Variants in SPAG16 observed in about 807,000 individuals in gnomAD.
SPAG16 encodes sperm-associated antigen 16 protein.
A neutral mutation model predicts 80.4 loss-of-function variants in SPAG16; 86 were observed. The ratio of observed to expected loss-of-function variants is 1.07; its 90% CI spans 0.90 to 1.28. The LOEUF (loss-of-function observed/expected upper bound fraction) is 1.28. Among genes scored for constraint, SPAG16 ranks in the 50% most tolerant of loss-of-function variants. The probability of loss-of-function intolerance (pLI) is 0.00; values close to 1 mark genes in which losing one functional copy is unlikely to be tolerated. For missense variants in SPAG16, 870 were observed against 765.3 expected (o/e 1.14, Z -1.61); for synonymous variants, 294 against 265.9 (o/e 1.11, Z -1.03).
At chr2:213,345,924 A>G (rs1374780931) in intron 6 of SPAG16, among the ~76,000 whole-genome samples, 2 of 152,202 alleles carry the variant, frequency 1.3e-5, no homozygotes, top group Admixed American at 6.6e-5. Flanking sequence ...GAAGAAAGTC[A>G]TGGGTAGCCT....
At chr2:213,361,974 A>G (rs1368467694) in intron 7 of SPAG16, among the ~76,000 whole-genome samples, 1 of 152,130 alleles carries the variant, frequency 6.6e-6, no homozygotes, top group Non-Finnish European at 1.5e-5. Context: ...GGTTAGGGCC[A>G]GGGTGAGAAT....
intron 1 of SPAG16, among the ~76,000 whole-genome samples, chr2:213,295,729 T>C (rs1575105837): frequency 6.6e-6 from 1 of 152,154 alleles, no homozygotes; most frequent in African/African-American, 2.4e-5. Flanking sequence ...TACCTGTTTC[T>C]AATTCACGCT....
intron 10 of SPAG16, among the ~76,000 whole-genome samples, chr2:213,849,648 C>T (rs1208154192): frequency 6.6e-6 from 1 of 152,038 alleles, no homozygotes; most frequent in Admixed American, 6.6e-5. Context: ...TTTATGTCTT[C>T]AGTTGTAATT....
intron 10 of SPAG16, among the ~76,000 whole-genome samples, chr2:213,625,393 T>C (rs1313827467): frequency 6.6e-6 from 1 of 152,054 alleles, no homozygotes; most frequent in Non-Finnish European, 1.5e-5. Context: ...ATTGCATGCC[T>C]GTATCAAAAC....
intron 5 of SPAG16, among the ~76,000 whole-genome samples, chr2:213,331,567 T>G (rs13404720): frequency 0.22 from 32,855 of 152,172 alleles, 4,404 homozygotes; most frequent in Non-Finnish European, 0.31. Flanking sequence ...TCAGACTTAA[T>G]CTGCACCATA....
At chr2:214,252,560 C>T (rs1425102593) in intron 15 of SPAG16, among the ~76,000 whole-genome samples, 1 of 150,704 alleles carries the variant, frequency 6.6e-6, no homozygotes. Context: ...GTTTTCTGTT[C>T]TTGTGTTCGT....
At chr2:213,894,960 G>A (rs2076931430) in intron 11 of SPAG16, among the ~76,000 whole-genome samples, 1 of 114,560 alleles carries the variant, frequency 8.7e-6, no homozygotes, top group Admixed American at 1.3e-4. Context: ...TTGCACTCCA[G>A]CGTGGCAACA....
chr2:213,340,420 A>C (rs1242902556), intron 6 of SPAG16, 150 bp downstream of exon 6: 1 of 627,238 alleles, frequency 1.6e-6, no homozygotes, highest in Non-Finnish European at 2.8e-6. Flanking sequence ...CAAGGGTCTC[A>C]GAAAATACTT....
intron 10 of SPAG16, among the ~76,000 whole-genome samples, chr2:213,699,668 T>C (rs1347572436): frequency 6.6e-6 from 1 of 152,186 alleles, no homozygotes; most frequent in East Asian, 1.9e-4. Context: ...TAATATAAAA[T>C]TTAAATGTTT....
chr2:213,791,433 AAATGGTACATCAGATTC>A (rs2070697024), intron 10 of SPAG16, among the ~76,000 whole-genome samples: 1 of 152,148 alleles, frequency 6.6e-6, no homozygotes, highest in Non-Finnish European at 1.5e-5. Context: ...TTAAGGAATA[AAATGGTACATCAGATTC>A]AACTCCTGAC....
At chr2:214,314,613 T>C (rs1426463382) in intron 15 of SPAG16, among the ~76,000 whole-genome samples, 1 of 152,180 alleles carries the variant, frequency 6.6e-6, no homozygotes, top group East Asian at 1.9e-4. Flanking sequence ...TGACTGCTTT[T>C]AGGATAAATG....
intron 10 of SPAG16, among the ~76,000 whole-genome samples, chr2:213,821,851 G>T (rs1396437762): frequency 1.3e-5 from 2 of 151,994 alleles, no homozygotes; most frequent in Non-Finnish European, 2.9e-5. Context: ...ATGACATCTG[G>T]GTCCATCCAT....
intron 10 of SPAG16, among the ~76,000 whole-genome samples, chr2:213,833,541 TA>T (rs1559506431): frequency 0.057 from 9 of 158 alleles, 4 homozygotes; most frequent in African/African-American, 0.098. Context: ...TTATATATAA[TA>T]TATATAATAT....
intron 10 of SPAG16, among the ~76,000 whole-genome samples, chr2:213,649,895 T>A (rs2062961551): frequency 6.6e-6 from 1 of 152,106 alleles, no homozygotes; most frequent in Non-Finnish European, 1.5e-5. Flanking sequence ...TATCCAAAAC[T>A]ATGAGAAGAG....
chr2:213,470,980 C>A (rs1450930341), intron 9 of SPAG16, among the ~76,000 whole-genome samples: 1 of 152,214 alleles, frequency 6.6e-6, no homozygotes, highest in African/African-American at 2.4e-5. Flanking sequence ...CACGAATCAG[C>A]ATATAATCAC....
chr2:213,713,269 C>T (rs972006282), intron 10 of SPAG16, among the ~76,000 whole-genome samples: 2 of 152,158 alleles, frequency 1.3e-5, no homozygotes, highest in Non-Finnish European at 2.9e-5. Context: ...ATGAAGGACA[C>T]TTCTTGTGAG....
In SPAG16 at chr2:213,284,581, CG is replaced by C; in HGVS notation, c.100del (p.Asp34ThrfsTer16). On this transcript the variant is annotated frameshift_variant, in exon 1 of 16. Coordinates refer to ENST00000331683, the MANE Select transcript of SPAG16 (RefSeq NM_024532.5). LOFTEE classifies it high-confidence loss of function. The part of the protein sequence containing the change: ...LTAAGDARDT[A>X]DAVAAEGAYY... ...GCAGCCGGGGACGCGAGGGACACGGCGGACGCGGTGGCGGCTGAGGGCGCCT... is the reference window on the plus strand; with the variant it reads ...GCAGCCGGGGACGCGAGGGACACGGCGACGCGGTGGCGGCTGAGGGCGCCT... 5 of 1,609,670 alleles carry C rather than the reference CG, an allele frequency of 3.1e-6. No homozygotes were observed. Among genetic ancestry groups the C allele is most frequent in the Non-Finnish European group, 4.2e-6 (5 of 1,178,530 alleles).
At chr2:213,441,539 A>C (rs904531435) in intron 9 of SPAG16, among the ~76,000 whole-genome samples, 3 of 152,164 alleles carry the variant, frequency 2.0e-5, no homozygotes, top group African/African-American at 7.2e-5. Context: ...GTAATGTTCT[A>C]TTTTTTGACC....
chr2:213,505,173 C>T (rs1360261681), intron 10 of SPAG16, among the ~76,000 whole-genome samples: 1 of 151,998 alleles, frequency 6.6e-6, no homozygotes, highest in Non-Finnish European at 1.5e-5. Flanking sequence ...TTAATTTCAC[C>T]TGGACTGCAC....
Sources: allele counts gnomAD v4.1 joint callset (sites outside exome capture counted in the v4.1 genomes callset), GRCh38; gene constraint gnomAD v4.1.1; transcripts MANE v1.5; gene names NCBI Gene and HGNC (gene_info 2026-07-23, HGNC 2026-07-21).